The following PDSS2 variants were observed in gnomAD, a reference collection of about 807,000 sequenced individuals.
The protein encoded by PDSS2 is decaprenyl diphosphate synthase subunit 2, also known as all trans-polyprenyl-diphosphate synthase PDSS2.
In PDSS2, 31 loss-of-function variants were observed where a neutral mutation model predicts 44.5. The observed-to-expected ratio is 0.70, with a 90% confidence interval of 0.52 to 0.94. The LOEUF (loss-of-function observed/expected upper bound fraction) is 0.94, where lower values mean the gene tolerates loss of function less well. Ranked by LOEUF, PDSS2 falls within the 40% of genes least tolerant of loss-of-function variation. The pLI is 0.00. For missense variants in PDSS2, 452 were observed against 482.2 expected (o/e 0.94, Z 0.59); for synonymous variants, 157 against 180.3 (o/e 0.87, Z 1.03).
intron 2 of PDSS2, among the ~76,000 whole-genome samples, chr6:107,278,246 C>A (rs1245877338): frequency 1.3e-5 from 2 of 151,982 alleles, no homozygotes; most frequent in Non-Finnish European, 2.9e-5. Context: ...ACCAGTGAGT[C>A]AAATAGTATC....
intron 1 of PDSS2, among the ~76,000 whole-genome samples, chr6:107,367,599 C>CA (rs1344193613): frequency 6.6e-6 from 1 of 152,098 alleles, no homozygotes; most frequent in East Asian, 1.9e-4. Context: ...GCCTAGCCAA[C>CA]ATGGCAAAAC....
intron 4 of PDSS2, among the ~76,000 whole-genome samples, chr6:107,216,293 T>C (rs554548612): frequency 6.6e-6 from 1 of 151,942 alleles, no homozygotes; most frequent in African/African-American, 2.4e-5. Flanking sequence ...ACCAACATGG[T>C]GAAACCCAGT....
chr6:107,456,828 C>T (rs750272849), intron 1 of PDSS2, among the ~76,000 whole-genome samples: 10 of 152,140 alleles, frequency 6.6e-5, no homozygotes, highest in African/African-American at 2.4e-4. Flanking sequence ...AGACATGAGA[C>T]ACCACACCAG....
chr6:107,164,242 G>A (rs1355071211), intron 7 of PDSS2, among the ~76,000 whole-genome samples: 1 of 151,996 alleles, frequency 6.6e-6, no homozygotes, highest in Non-Finnish European at 1.5e-5. Flanking sequence ...ATGTATACAT[G>A]TGCCATGTTG....
intron 1 of PDSS2, among the ~76,000 whole-genome samples, chr6:107,350,713 G>C (rs552825291): frequency 7.2e-5 from 11 of 152,140 alleles, no homozygotes; most frequent in Non-Finnish European, 1.5e-4. Context: ...GGGAGGCTGA[G>C]ATGCGAGGAC....
chr6:107,277,068 C>G (rs1462111610), intron 2 of PDSS2, among the ~76,000 whole-genome samples: 2 of 152,228 alleles, frequency 1.3e-5, no homozygotes, highest in African/African-American at 2.4e-5. Flanking sequence ...AGATAACTAA[C>G]AGAGACTCCA....
At chr6:107,449,366 AC>A (rs1191000530) in intron 1 of PDSS2, among the ~76,000 whole-genome samples, 1 of 152,240 alleles carries the variant, frequency 6.6e-6, no homozygotes. Context: ...AAGTGTATTC[AC>A]AGTGTTGTAT....
chr6:107,369,775 C>A (rs978373823), intron 1 of PDSS2, among the ~76,000 whole-genome samples: 2 of 151,970 alleles, frequency 1.3e-5, no homozygotes, highest in Non-Finnish European at 1.5e-5. Context: ...GAGGCCAAGG[C>A]AGAAGAATCA....
intron 1 of PDSS2, among the ~76,000 whole-genome samples, chr6:107,437,411 G>C (rs1326172910): frequency 6.6e-6 from 1 of 151,410 alleles, no homozygotes; most frequent in Non-Finnish European, 1.5e-5. Flanking sequence ...TATAGTCCCA[G>C]CTACTCAGGA....
chr6:107,183,778 G>A lies in PDSS2; in HGVS notation c.1041+10044C>T, dbSNP rs748617771. Among the ~76,000 whole-genome samples the A allele has an allele frequency of 4.3e-4, 66 of 152,150 alleles. No homozygotes were observed. In the Middle Eastern group the frequency reaches 0.01, roughly 24 times the overall value. ...GGTGCAGTGGTGCACACCTGTAGTC[G>A]CAGCTACTTGGGAGGCTGAGGCAGG... On this transcript the variant is annotated intron_variant, in intron 7 of 7. Coordinates refer to ENST00000369037, the MANE Select transcript of PDSS2 (RefSeq NM_020381.4).
rs1340883006 is a variant in PDSS2 at position 107,429,900 on chromosome 6, AAATATATATATAT to A, written c.296+29077_296+29089del. On this transcript the variant is annotated intron_variant, in intron 1 of 7. Transcript: ENST00000369037. ...ACTTAGTCTCAAAAAAAAAAAAAAA[AAATATATATATAT>A]ATATATATATATATATATATATATA... Among the ~76,000 whole-genome samples, 34 of 42,324 alleles carry A rather than the reference AAATATATATATAT, an allele frequency of 8.0e-4. 4 individuals carry two copies. The highest frequency in any genetic ancestry group is 2.9e-3 in the East Asian group (3 of 1,040). The allele number at this position is 42,324 out of a possible 152,430, so 27.8% of individuals were successfully genotyped here. A position where few individuals can be genotyped will look rare whatever the true frequency, so the allele number is the denominator to read the frequency against.
At chr6:107,319,480 G>C (rs979544220) in intron 2 of PDSS2, among the ~76,000 whole-genome samples, 5 of 152,280 alleles carry the variant, frequency 3.3e-5, no homozygotes, top group African/African-American at 1.2e-4. Context: ...GGCACAGAAA[G>C]AATGGCAACC....
intron 7 of PDSS2, among the ~76,000 whole-genome samples, chr6:107,181,324 G>A (rs1409604319): frequency 6.6e-6 from 1 of 151,170 alleles, no homozygotes. Flanking sequence ...ACCTCCCAAA[G>A]GAGTTCAAGA....
intron 1 of PDSS2, among the ~76,000 whole-genome samples, chr6:107,385,339 A>G (rs6917787): frequency 0.05 from 7,599 of 152,172 alleles, 360 homozygotes; most frequent in South Asian, 0.15. Context: ...GTCTCTTAAA[A>G]AAAAAAAAAA....
chr6:107,281,541 T>C (rs1775959894), intron 2 of PDSS2, among the ~76,000 whole-genome samples: 1 of 152,220 alleles, frequency 6.6e-6, no homozygotes, highest in Non-Finnish European at 1.5e-5. Context: ...TCCTGTATCA[T>C]TTAGAAGTAG....
intron 1 of PDSS2, among the ~76,000 whole-genome samples, chr6:107,338,586 T>G (rs750646159): frequency 1.8e-4 from 28 of 152,276 alleles, no homozygotes; most frequent in Admixed American, 5.2e-4. Context: ...TGTGGCAGCA[T>G]GTAGAAGAAG....
At position 107,459,328 on chromosome 6, in the gene PDSS2, G is replaced by C; in HGVS notation, c.-43C>G. ...GTCTGGGACCTGGGGGTATCCAGAA[G>C]TGCCGCGGGAAACAAACCAGGGGCA... On this transcript the variant is annotated 5_prime_UTR_variant, in exon 1 of 8. Coordinates refer to ENST00000369037, the MANE Select transcript of PDSS2 (RefSeq NM_020381.4). This position sits in a 1 kb window ranked among gnomAD's most constrained non-coding sequence, Gnocchi z 4.3. 1.3e-6 allele frequency: 2 copies of C among 1,571,282 alleles called. No individual in the cohort carries two copies. Among genetic ancestry groups the C allele is most frequent in the South Asian group, 2.2e-5 (2 of 90,168 alleles).
intron 2 of PDSS2, among the ~76,000 whole-genome samples, chr6:107,278,091 A>C (rs1251963291): frequency 6.6e-6 from 1 of 152,132 alleles, no homozygotes; most frequent in African/African-American, 2.4e-5. Flanking sequence ...TACAATTAAA[A>C]GAACAAATTG....
chr6:107,232,008 G>T (rs1165247455), intron 4 of PDSS2, among the ~76,000 whole-genome samples: 1 of 151,502 alleles, frequency 6.6e-6, no homozygotes, highest in Non-Finnish European at 1.5e-5. Context: ...TAAAGCCCCA[G>T]CTCCAGCTCC....
Sources: allele counts gnomAD v4.1 joint callset (sites outside exome capture counted in the v4.1 genomes callset), GRCh38; gene constraint gnomAD v4.1.1; non-coding constraint Gnocchi (gnomAD v3.1); transcripts MANE v1.5; gene names NCBI Gene and HGNC (gene_info 2026-07-23, HGNC 2026-07-21).